SLCO2A1: variants seen among roughly 807,000 people sequenced by gnomAD.
SLCO2A1 encodes solute carrier organic anion transporter family member 2A1, also known as matrin F/G 1.
Under a neutral mutation model 71.7 loss-of-function variants are expected in SLCO2A1, and 60 were observed. That is an observed-to-expected ratio of 0.84 (90% CI 0.68 to 1.04). The LOEUF is 1.04. Among genes scored for constraint, SLCO2A1 ranks in the 50% least tolerant of loss-of-function variants. SLCO2A1 has a pLI of 0.00. For missense variants in SLCO2A1, 745 were observed against 813.4 expected, an observed-to-expected ratio of 0.92 and a Z score of 1.02; for synonymous variants, 308 against 326.7, an observed-to-expected ratio of 0.94 and a Z score of 0.62.
chr3:133,955,947 G>C (rs1933888482), intron 3 of SLCO2A1, among the ~76,000 whole-genome samples: 1 of 152,176 alleles, frequency 6.6e-6, no homozygotes, highest in South Asian at 2.1e-4. Flanking sequence ...CCCTGGGTGA[G>C]GCCTGTGGGC....
chr3:133,974,853 T>G (rs1934410690), intron 2 of SLCO2A1, among the ~76,000 whole-genome samples: 1 of 152,164 alleles, frequency 6.6e-6, no homozygotes, highest in Non-Finnish European at 1.5e-5. Flanking sequence ...CCCACTTTCC[T>G]CCTGGGTGGA....
intron 1 of SLCO2A1, among the ~76,000 whole-genome samples, chr3:134,016,950 A>G (rs1935467102): frequency 6.6e-6 from 1 of 152,268 alleles, no homozygotes; most frequent in Non-Finnish European, 1.5e-5. Flanking sequence ...CACAGATTGT[A>G]TGATTCCATT....
intron 1 of SLCO2A1, among the ~76,000 whole-genome samples, chr3:134,004,308 G>A (rs995134249): frequency 6.6e-6 from 1 of 152,154 alleles, no homozygotes; most frequent in Non-Finnish European, 1.5e-5. Flanking sequence ...TAGCTGGGTG[G>A]TCTTAAATTA....
At chr3:133,934,945 G>T in intron 13 of SLCO2A1, 115 bp from the exon 14 acceptor site, 1 of 772,200 alleles carries the variant, frequency 1.3e-6, no homozygotes, top group South Asian at 1.6e-5. Flanking sequence ...GGAAGGTGTG[G>T]GCACCATCCA....
chr3:134,011,964 C>T (rs959074303), intron 1 of SLCO2A1, among the ~76,000 whole-genome samples: 1 of 152,138 alleles, frequency 6.6e-6, no homozygotes, highest in South Asian at 2.1e-4. Flanking sequence ...CACAAACTTG[C>T]AAGGCCTAGT....
intron 5 of SLCO2A1, among the ~76,000 whole-genome samples, chr3:133,953,351 T>C (rs954416035): frequency 6.6e-6 from 1 of 152,226 alleles, no homozygotes; most frequent in African/African-American, 2.4e-5. Context: ...GAAATATTTT[T>C]AATGCCACCA....
chr3:134,011,554 AG>A (rs754837351), intron 1 of SLCO2A1, among the ~76,000 whole-genome samples: 2 of 152,206 alleles, frequency 1.3e-5, no homozygotes, highest in Non-Finnish European at 2.9e-5. Context: ...GACACGTTCC[AG>A]AGGTGGAGTA....
At chr3:133,963,525 A>G (rs1254541960) in intron 3 of SLCO2A1, among the ~76,000 whole-genome samples, 3 of 152,194 alleles carry the variant, frequency 2.0e-5, no homozygotes, top group Non-Finnish European at 4.4e-5. Flanking sequence ...TAAAGCAAAG[A>G]GAGAGACTTC....
chr3:133,949,770 A>G (rs1042624264), intron 6 of SLCO2A1, among the ~76,000 whole-genome samples: 1 of 152,220 alleles, frequency 6.6e-6, no homozygotes, highest in Non-Finnish European at 1.5e-5. Context: ...AAGAAGAGGA[A>G]GCTTAGGAAC....
At position 133,959,842 on chromosome 3, in the gene SLCO2A1, C is replaced by T. The variant is rs191147383; in HGVS notation, c.398-4649G>A. Among the ~76,000 whole-genome samples the T allele has an allele frequency of 4.6e-4, 70 of 151,836 alleles. 1 individual carries two copies. The highest frequency in any genetic ancestry group is 2.8e-3 in the Admixed American group (43 of 15,236). On this transcript the variant is annotated intron_variant, in intron 3 of 13. Coordinates refer to ENST00000310926, the MANE Select transcript of SLCO2A1 (RefSeq NM_005630.3). ...CAAAAAAAAATAAATACTAATGGGC[C>T]GGGTGCGGTGGCTCATACCTGTAAT...
intron 1 of SLCO2A1, among the ~76,000 whole-genome samples, chr3:133,993,596 A>G (rs949227228): frequency 1.3e-5 from 2 of 152,220 alleles, no homozygotes; most frequent in Non-Finnish European, 2.9e-5. Flanking sequence ...ATTATCACGG[A>G]TATTTATGTA....
chr3:133,973,632 C>A (rs766623220), intron 3 of SLCO2A1, 31 bp downstream of exon 3: 9 of 1,610,852 alleles, frequency 5.6e-6, no homozygotes, highest in South Asian at 1.1e-5. Flanking sequence ...CCATTCCTTA[C>A]CCCTTGAGGC....
chr3:133,949,013 A>T (rs759794791), intron 6 of SLCO2A1, 42 bp from the exon 7 acceptor site: 19 of 1,536,134 alleles, frequency 1.2e-5, no homozygotes, highest in Non-Finnish European at 1.4e-5. Flanking sequence ...GCCCAGGCTC[A>T]CTGTAGCCAC....
chr3:133,987,387 CT>C (rs1373510896), intron 1 of SLCO2A1, among the ~76,000 whole-genome samples: 1 of 151,908 alleles, frequency 6.6e-6, no homozygotes, highest in Non-Finnish European at 1.5e-5. Context: ...TGATAAAACC[CT>C]GGTCTCCACA....
intron 4 of SLCO2A1, among the ~76,000 whole-genome samples, chr3:133,954,076 C>T (rs1343851913): frequency 1.3e-5 from 2 of 150,952 alleles, no homozygotes; most frequent in Non-Finnish European, 2.9e-5. Context: ...CGGAGGAGCT[C>T]ATGGTGCCAC....
chr3:133,963,788 G>T (rs1274763566), intron 3 of SLCO2A1, among the ~76,000 whole-genome samples: 1 of 150,526 alleles, frequency 6.6e-6, no homozygotes, highest in Non-Finnish European at 1.5e-5. Flanking sequence ...ACGACTCCTG[G>T]AACCTCATTC....
At chr3:134,029,488 ACTCGCACGCACACACACACGCT>A (rs1286592564) in intron 1 of SLCO2A1, among the ~76,000 whole-genome samples, 197 bp downstream of exon 1, 1 of 130,766 alleles carries the variant, frequency 7.6e-6, no homozygotes, top group African/African-American at 3.3e-5. Context: ...ACACACACAC[ACTCGCACGCACACACACACGCT>A]CACACACACA....
chr3:134,011,046 T>G (rs149591726), intron 1 of SLCO2A1, among the ~76,000 whole-genome samples: 32 of 152,172 alleles, frequency 2.1e-4, no homozygotes, highest in African/African-American at 6.3e-4. Context: ...GTTTTTTTTG[T>G]TTGTTTGTTT....
At chr3:133,998,024 C>T (rs1371342698) in intron 1 of SLCO2A1, among the ~76,000 whole-genome samples, 1 of 152,172 alleles carries the variant, frequency 6.6e-6, no homozygotes, top group South Asian at 2.1e-4. Context: ...TGCCAGGGAT[C>T]GCTCATCAGA....
Sources: allele counts gnomAD v4.1 joint callset (sites outside exome capture counted in the v4.1 genomes callset), GRCh38; gene constraint gnomAD v4.1.1; transcripts MANE v1.5; gene names NCBI Gene and HGNC (gene_info 2026-07-23, HGNC 2026-07-21).